Variants in NAALADL2 observed in about 807,000 individuals in gnomAD.
NAALADL2 encodes the protein inactive N-acetylated-alpha-linked acidic dipeptidase-like protein 2.
Under a neutral mutation model 87.2 loss-of-function variants are expected in NAALADL2, and 76 were observed. That is an observed-to-expected ratio of 0.87 (90% CI 0.72 to 1.05). NAALADL2 has a LOEUF of 1.05. Ranked by LOEUF, NAALADL2 falls within the 50% of genes least tolerant of loss-of-function variation. The pLI is 0.00. For missense variants in NAALADL2, 1,089 were observed against 945.8 expected (o/e 1.15, Z -1.99); for synonymous variants, 354 against 331.0 (o/e 1.07, Z -0.75).
chr3:175,558,230 G>C (rs1370928460), intron 9 of NAALADL2, among the ~76,000 whole-genome samples: 1 of 142,556 alleles, frequency 7.0e-6, no homozygotes, highest in Non-Finnish European at 1.5e-5. Context: ...AAGAAAGAAA[G>C]AAAAATGTCT....
At chr3:175,135,480 A>G (rs1042268357) in intron 2 of NAALADL2, among the ~76,000 whole-genome samples, 4 of 152,200 alleles carry the variant, frequency 2.6e-5, no homozygotes, top group Non-Finnish European at 4.4e-5. Context: ...CCAACACTAT[A>G]AAGCTTATAG....
intron 2 of NAALADL2, among the ~76,000 whole-genome samples, chr3:174,711,485 T>C (rs1429241540): frequency 6.6e-6 from 1 of 152,230 alleles, no homozygotes; most frequent in Non-Finnish European, 1.5e-5. Flanking sequence ...GATTTTCTAT[T>C]TCCAGGAAAG....
At chr3:175,258,270 T>A (rs1750373805) in intron 4 of NAALADL2, among the ~76,000 whole-genome samples, 1 of 143,748 alleles carries the variant, frequency 7.0e-6, no homozygotes, top group Non-Finnish European at 1.5e-5. Flanking sequence ...ATCACGCCAC[T>A]GCACTCCAGC....
intron 2 of NAALADL2, among the ~76,000 whole-genome samples, chr3:174,554,753 T>C (rs1474749316): frequency 6.6e-6 from 1 of 151,866 alleles, no homozygotes; most frequent in Non-Finnish European, 1.5e-5. Context: ...TTTTTTGTAG[T>C]CATATATACC....
At chr3:174,501,242 CTAATTTTTTG>C (rs1273798031) in intron 1 of NAALADL2, among the ~76,000 whole-genome samples, 1 of 149,026 alleles carries the variant, frequency 6.7e-6, no homozygotes, top group Admixed American at 6.6e-5. Context: ...CTACGCCCGG[CTAATTTTTTG>C]TATTTTTAGT....
At chr3:174,487,707 T>G (rs893200567) in intron 1 of NAALADL2, among the ~76,000 whole-genome samples, 1 of 151,822 alleles carries the variant, frequency 6.6e-6, no homozygotes, top group African/African-American at 2.4e-5. Flanking sequence ...TTTTTTTTTT[T>G]TTAACAATAG....
At chr3:175,407,428 T>C (rs1314114334) in intron 5 of NAALADL2, among the ~76,000 whole-genome samples, 1 of 152,156 alleles carries the variant, frequency 6.6e-6, no homozygotes, top group Non-Finnish European at 1.5e-5. Context: ...CATAATCTGA[T>C]CTCAAGGAAA....
chr3:175,548,994 A>G (rs919645833), intron 9 of NAALADL2, among the ~76,000 whole-genome samples: 10 of 152,048 alleles, frequency 6.6e-5, no homozygotes, highest in African/African-American at 2.4e-4. Context: ...GTGTTCCTCA[A>G]GGTTTCTAGA....
At chr3:175,181,416 T>G (rs1736446019) in intron 2 of NAALADL2, among the ~76,000 whole-genome samples, 1 of 151,770 alleles carries the variant, frequency 6.6e-6, no homozygotes, top group Non-Finnish European at 1.5e-5. Flanking sequence ...ATGCTTATCA[T>G]TTATTCCTCT....
chr3:175,000,182 GAA>G (rs1560460517), intron 1 of NAALADL2, among the ~76,000 whole-genome samples: 1 of 152,102 alleles, frequency 6.6e-6, no homozygotes, highest in South Asian at 2.1e-4. Flanking sequence ...GACAAAAAGA[GAA>G]ATAAGACATG....
intron 10 of NAALADL2, among the ~76,000 whole-genome samples, chr3:175,582,647 G>T (rs941009137): frequency 3.9e-5 from 6 of 152,286 alleles, no homozygotes; most frequent in Admixed American, 3.3e-4. Context: ...TATTTAGCCA[G>T]CAGTTATTAA....
chr3:174,572,656 C>T (rs6801134), intron 2 of NAALADL2, among the ~76,000 whole-genome samples: 72,999 of 151,948 alleles, frequency 0.48, 19,479 homozygotes, highest in East Asian at 0.81. Flanking sequence ...GTTCAGCAAT[C>T]TTGAAGGACT....
chr3:174,812,881 ATATT>A, intron 3 of NAALADL2, among the ~76,000 whole-genome samples: 1 of 152,294 alleles, frequency 6.6e-6, no homozygotes, highest in South Asian at 2.1e-4. Flanking sequence ...GCTCTACAAT[ATATT>A]TATGTTTTAA....
At chr3:175,652,440 T>G (rs1730886594) in intron 11 of NAALADL2, among the ~76,000 whole-genome samples, 1 of 151,902 alleles carries the variant, frequency 6.6e-6, no homozygotes, top group African/African-American at 2.4e-5. Context: ...GCCATAGTAA[T>G]AATATATCAT....
chr3:174,446,933 AC>A (rs1456173307), intron 1 of NAALADL2, among the ~76,000 whole-genome samples: 2 of 151,956 alleles, frequency 1.3e-5, no homozygotes, highest in Non-Finnish European at 2.9e-5. Flanking sequence ...ACCTTAAGAA[AC>A]CTTGTGGTTC....
chr3:175,403,941 C>A (rs768319916), intron 5 of NAALADL2, among the ~76,000 whole-genome samples: 1 of 152,144 alleles, frequency 6.6e-6, no homozygotes, highest in Non-Finnish European at 1.5e-5. Flanking sequence ...TCACAGCTTT[C>A]TTCCAGGTCT....
At chr3:174,874,864 C>T (rs1372801719) in intron 1 of NAALADL2, among the ~76,000 whole-genome samples, 5 of 151,886 alleles carry the variant, frequency 3.3e-5, no homozygotes, top group Admixed American at 6.6e-5. Flanking sequence ...ACCGCTAATC[C>T]TAGCACTTTG....
At chr3:174,856,190 CACA>C (rs1267364318), upstream of NAALADL2, among the ~76,000 whole-genome samples, 2 of 151,854 alleles carry the variant, frequency 1.3e-5, no homozygotes, top group Non-Finnish European at 2.9e-5. Context: ...ATTGTTTGTT[CACA>C]CAGGATTATG....
At chr3:175,435,003 G>A (rs989476906) in intron 5 of NAALADL2, among the ~76,000 whole-genome samples, 1 of 151,924 alleles carries the variant, frequency 6.6e-6, no homozygotes, top group Non-Finnish European at 1.5e-5. Context: ...GACAAATGAG[G>A]AATACCAAAG....
Sources: allele counts gnomAD v4.1 joint callset (sites outside exome capture counted in the v4.1 genomes callset), GRCh38; gene constraint gnomAD v4.1.1; transcripts MANE v1.5; gene names NCBI Gene and HGNC (gene_info 2026-07-23, HGNC 2026-07-21).